PLA2G6: variants seen among roughly 807,000 people sequenced by gnomAD.
PLA2G6 encodes phospholipase A2 group VI, also known as 85/88 kDa calcium-independent phospholipase A2.
In PLA2G6, 62 loss-of-function variants were observed where a neutral mutation model predicts 83.8. The observed-to-expected ratio is 0.74, with a 90% CI of 0.60 to 0.91. The LOEUF is 0.91. PLA2G6 is among the 40% of genes least tolerant of loss of function. The pLI is 0.00. For synonymous variants in PLA2G6, 417 were observed against 449.8 expected (o/e 0.93, Z 0.92); for missense variants, 944 against 1,102.0 (o/e 0.86, Z 2.03).
At position 38,120,874 on chromosome 22, in the gene PLA2G6, G is replaced by A. The variant is rs753874848; in HGVS notation, c.1627C>T (p.Arg543Cys). 18 of 1,613,704 alleles carry A rather than the reference G, an allele frequency of 1.1e-5. No individual in the cohort carries two copies. Among genetic ancestry groups the A allele is most frequent in the South Asian group, 2.2e-5 (2 of 91,092 alleles). ...SMAYMRGMYF[R>C]MKDEVFRGSR... ...CCCCGGAACACCTCATCCTTCATGCGAAAGTACATGCCGCGCATGTAGGCC... is the reference window on the plus strand; with the variant it reads ...CCCCGGAACACCTCATCCTTCATGCAAAAGTACATGCCGCGCATGTAGGCC... Residue 543 changes from arginine to cysteine, a missense_variant, in exon 12 of 17, where the codon CGC (arginine) becomes TGC (cysteine). Physicochemically the swap from Arg to Cys is radical, Grantham distance 180. Transcript: ENST00000332509.
chr22:38,146,782 C>CTTTTCTT (rs546128922), intron 2 of PLA2G6: 36,733 of 132,584 alleles, frequency 0.28, 5,398 homozygotes, highest in South Asian at 0.37. Flanking sequence ...CTTTTCTTTT[C>CTTTTCTT]TTTTTTTTTT....
intron 15 of PLA2G6, 62 bp downstream of exon 15, chr22:38,113,425 A>G: frequency 1.3e-6 from 2 of 1,513,344 alleles, no homozygotes; most frequent in South Asian, 2.2e-5. Flanking sequence ...GGATGAGGGG[A>G]AGCCATCGAC....
intron 2 of PLA2G6, among the ~76,000 whole-genome samples, chr22:38,160,355 C>G (rs1361979169): frequency 6.6e-6 from 1 of 152,148 alleles, no homozygotes; most frequent in East Asian, 1.9e-4. Context: ...AGCCAGTTCA[C>G]TTCTAGGTAT....
intron 10 of PLA2G6, 153 bp downstream of exon 10, chr22:38,126,218 C>A (rs757108523): frequency 1.4e-6 from 1 of 714,212 alleles, no homozygotes; most frequent in East Asian, 2.6e-5. Flanking sequence ...TCTCCATGTT[C>A]TGTCTCTGCT....
In PLA2G6 at chr22:38,120,829, C is replaced by G; in HGVS notation, c.1672G>C (p.Gly558Arg). Residue 558 changes from glycine (G) to arginine (R), a missense_variant, in exon 12 of 17, where the codon GGG becomes CGG. By Grantham distance (125) the Gly-to-Arg change is moderately radical. Transcript: ENST00000332509. Reference protein sequence around the residue: ...VFRGSRPYESGPLEEFLKREF... With the variant: ...VFRGSRPYESRPLEEFLKREF... ...CGCTTCAGGAACTCCTCCAGGGGCC[C>G]CGACTCGTAGGGCCTGGAGCCCCGG... The G allele has an allele frequency of 6.2e-7, 1 of 1,613,918 alleles. No individual in the cohort carries two copies. Among genetic ancestry groups the G allele is most frequent in the Non-Finnish European group, 8.5e-7 (1 of 1,180,026 alleles).
intron 1 of PLA2G6, among the ~76,000 whole-genome samples, chr22:38,179,722 G>A (rs929521938): frequency 5.3e-5 from 8 of 152,134 alleles, no homozygotes; most frequent in African/African-American, 1.4e-4. Context: ...GCAGTGAGCC[G>A]AGATCGTGCC....
intron 10 of PLA2G6, chr22:38,125,652 G>A (rs1170309302): frequency 2.1e-6 from 1 of 470,480 alleles, no homozygotes; most frequent in Non-Finnish European, 4.4e-6. Context: ...GTGTGACCTT[G>A]AGCAAGTCAC....
At chr22:38,136,868 ATC>A (rs1415213414) in intron 5 of PLA2G6, 1 of 148,570 alleles carries the variant, frequency 6.7e-6, no homozygotes, top group Non-Finnish European at 1.5e-5. Context: ...TGGTTTCCTC[ATC>A]TGTTTTTTGT....
intron 1 of PLA2G6, among the ~76,000 whole-genome samples, chr22:38,179,053 G>C (rs1568985394): frequency 6.6e-6 from 1 of 152,246 alleles, no homozygotes; most frequent in Non-Finnish European, 1.5e-5. Context: ...GAGGTGGAGA[G>C]TGAAATTTTA....
chr22:38,118,785 A>C, intron 12 of PLA2G6, among the ~76,000 whole-genome samples: 1 of 146,094 alleles, frequency 6.8e-6, no homozygotes, highest in African/African-American at 2.5e-5. Flanking sequence ...ACAGGGTCTC[A>C]CTCTATTGCC....
chr22:38,127,890 A>G (rs1000474397), intron 9 of PLA2G6, among the ~76,000 whole-genome samples: 1 of 152,222 alleles, frequency 6.6e-6, no homozygotes, highest in Non-Finnish European at 1.5e-5. Context: ...AGGTGAAGCC[A>G]GAGGGACAGG....
At position 38,155,151 on chromosome 22, in the gene PLA2G6, C is replaced by T. The variant is rs574242920; in HGVS notation, c.210-9498G>A. The stretch of plus-strand genomic sequence containing the variant: ...CTGAGGCAGAAGAATGGTGTGAACC[C>T]GGGAGGCAGAGCTTGCAGTGAGCGG... On this transcript the variant is annotated intron_variant, in intron 2 of 16. Coordinates refer to ENST00000332509, the MANE Select transcript of PLA2G6 (RefSeq NM_003560.4). Among the ~76,000 whole-genome samples the T allele has an allele frequency of 1.1e-4, 16 of 151,678 alleles. No individual in the cohort carries two copies. In the East Asian group the frequency reaches 1.6e-3, roughly 15 times the overall value.
chr22:38,118,739 GTTT>G (rs1189493023), intron 12 of PLA2G6, among the ~76,000 whole-genome samples: 8 of 142,712 alleles, frequency 5.6e-5, no homozygotes, highest in African/African-American at 1.0e-4. Context: ...TAGTTTGTGA[GTTT>G]GTTTGTTTTT....
chr22:38,133,700 C>G (rs563088747), intron 6 of PLA2G6: 1 of 152,882 alleles, frequency 6.5e-6, no homozygotes, highest in Admixed American at 6.5e-5. Context: ...GCCATGAACT[C>G]TGGGGCATCC....
chr22:38,148,297 A>T (rs969421427), intron 2 of PLA2G6: 7 of 545,558 alleles, frequency 1.3e-5, no homozygotes, highest in Non-Finnish European at 2.0e-5. Flanking sequence ...AAGGATAGCG[A>T]ATGGGGAAAG....
chr22:38,128,062 C>T lies in PLA2G6; in HGVS notation c.1348+207G>A, dbSNP rs1284628408. 5.0e-6 allele frequency: 3 copies of T among 597,108 alleles called. No homozygotes were observed. Among genetic ancestry groups the T allele is most frequent in the South Asian group, 4.0e-5 (2 of 50,582 alleles). The allele number at this position is 597,108 out of a possible 1,614,324, so 37.0% of individuals were successfully genotyped here. On this transcript the variant is annotated intron_variant, in intron 9 of 16. Coordinates refer to ENST00000332509, the MANE Select transcript of PLA2G6 (RefSeq NM_003560.4). The surrounding 1 kb of genome is among the most constrained non-coding windows in gnomAD (Gnocchi z 4.4). ...GCAGGACACATCCTCTCAGGGGCAACGGAGCATGGGACATCAGCCAGGGAC... is the reference window on the plus strand; with the variant it reads ...GCAGGACACATCCTCTCAGGGGCAATGGAGCATGGGACATCAGCCAGGGAC...
chr22:38,175,505 C>G (rs543993916), intron 1 of PLA2G6, among the ~76,000 whole-genome samples: 24 of 152,320 alleles, frequency 1.6e-4, no homozygotes, highest in African/African-American at 5.5e-4. Context: ...TCCCAGAACA[C>G]GTCAAACTCG....
chr22:38,172,383 G>A lies in PLA2G6; in HGVS notation c.-45-2912C>T, dbSNP rs114158945. Reference sequence around the variant, plus strand: ...TCTCCGTCCACAAGCTTGGCTCACAGAAAGTTTGTCAAAACAAAAATTTAA... The same window carrying A: ...TCTCCGTCCACAAGCTTGGCTCACAAAAAGTTTGTCAAAACAAAAATTTAA... On this transcript the variant is annotated intron_variant, in intron 1 of 16. Transcript: ENST00000332509. 5.0e-3 allele frequency among the ~76,000 whole-genome samples: 759 copies of A among 152,246 alleles called. 10 individuals are homozygous for A. Among genetic ancestry groups the A allele is most frequent in the African/African-American group, 0.017 (689 of 41,540 alleles).
In PLA2G6 at chr22:38,128,087, C is replaced by T; in HGVS notation, c.1348+182G>A. On this transcript the variant is annotated intron_variant, in intron 9 of 16. Transcript: ENST00000332509. The surrounding 1 kb of genome is among the most constrained non-coding windows in gnomAD (Gnocchi z 4.4). ...CGGAGCATGGGACATCAGCCAGGGA[C>T]ACCCTAGGCCTCTGGGATCTGTGGG... 1 of 624,888 alleles carries T rather than the reference C, an allele frequency of 1.6e-6. No homozygotes were observed. Among genetic ancestry groups the T allele is most frequent in the South Asian group, 1.9e-5 (1 of 52,420 alleles). The allele number at this position is 624,888 out of a possible 1,614,324, so 38.7% of individuals were successfully genotyped here.
Sources: gnomAD v4.1 joint callset for allele counts (sites outside exome capture counted in the v4.1 genomes callset) on GRCh38, gnomAD v4.1.1 for gene constraint, Gnocchi (gnomAD v3.1) non-coding constraint, MANE v1.5 for transcripts, NCBI Gene and HGNC (gene_info 2026-07-23, HGNC 2026-07-21) for gene names.